TIGD7: variants seen among roughly 807,000 people sequenced by gnomAD.
TIGD7 encodes tigger transposable element-derived protein 7.
TIGD7 carries 26 observed loss-of-function variants against 24.8 expected under a neutral mutation model. That is an observed-to-expected ratio of 1.05 (90% CI 0.77 to 1.45). The LOEUF is 1.45. Among genes scored for constraint, TIGD7 ranks in the 40% most tolerant of loss-of-function variants. The pLI, the probability that TIGD7 is intolerant of heterozygous loss-of-function variation, is 0.00. For synonymous variants in TIGD7, 221 were observed against 224.1 expected (o/e 0.99, Z 0.12); for missense variants, 679 against 641.6 (o/e 1.06, Z -0.63).
Position 3,300,777 on chromosome 16 carries a change from T to C in TIGD7, c.-163A>G. On this transcript the variant is annotated 5_prime_UTR_variant, in exon 2 of 2. Coordinates refer to ENST00000396862, the MANE Select transcript of TIGD7 (RefSeq NM_033208.4). Reference sequence around the variant, plus strand: ...ATGGACTGAAGGGGCTAACCATGACTGAAGAGCTAGTCTAGAGGTGGAGGT... The same window carrying C: ...ATGGACTGAAGGGGCTAACCATGACCGAAGAGCTAGTCTAGAGGTGGAGGT... The C allele has an allele frequency of 8.0e-7, 1 of 1,248,844 alleles. No homozygotes were observed. Among genetic ancestry groups the C allele is most frequent in the Non-Finnish European group, 1.1e-6 (1 of 932,002 alleles). The allele number at this position is 1,248,844 out of a possible 1,614,324, so 77.4% of individuals were successfully genotyped here.
chr16:3,302,423 G>T (rs554805439), intron 1 of TIGD7, among the ~76,000 whole-genome samples: 30 of 152,290 alleles, frequency 2.0e-4, no homozygotes, highest in Non-Finnish European at 3.7e-4. Flanking sequence ...ACCACACCTG[G>T]CCCATAGAAT....
chr16:3,299,950 T>C lies in TIGD7; in HGVS notation c.665A>G (p.His222Arg). Residue 222 changes from histidine to arginine, a missense_variant, in exon 2 of 2, where the codon CAT (histidine) becomes CGT (arginine). Physicochemically the swap from His to Arg is conservative, Grantham distance 29. Coordinates refer to ENST00000396862, the MANE Select transcript of TIGD7 (RefSeq NM_033208.4). ...TCCAATAATGATTGACTTTAATTTA[T>C]GAGTTCCGTCTGCATTTGCACATAA... ...AFLCANADGT[H>R]KLKSIIIGKS... 1 of 1,613,410 alleles carries C rather than the reference T, an allele frequency of 6.2e-7. No homozygotes were observed. Among genetic ancestry groups the C allele is most frequent in the Non-Finnish European group, 8.5e-7 (1 of 1,179,802 alleles).
intron 1 of TIGD7, chr16:3,303,776 A>G (rs1960013923): frequency 6.6e-6 from 1 of 152,222 alleles, no homozygotes; most frequent in Admixed American, 6.5e-5. Context: ...GAACTGCCAT[A>G]GAAAGCAGCT....
In TIGD7 at chr16:3,299,102, T is replaced by G; in HGVS notation, c.1513A>C (p.Lys505Gln). The change falls in exon 2 of 2, where the codon AAA becomes CAA. Residue 505 changes from lysine (K) to glutamine (Q), a missense_variant. By Grantham distance (53) the Lys-to-Gln change is moderately conservative. Coordinates refer to ENST00000396862, the MANE Select transcript of TIGD7 (RefSeq NM_033208.4). ...PEFQRFHFTL[K>Q]EMQQEIVKKQ... The stretch of plus-strand genomic sequence containing the variant: ...TTGACTATTTCTTGTTGCATCTCTT[T>G]CAGTGTGAAGTGGAATCTCTGAAAC... 6.9e-7 allele frequency: 1 copy of G among 1,442,614 alleles called. No homozygotes were observed. Among genetic ancestry groups the G allele is most frequent in the South Asian group, 1.7e-5 (1 of 60,026 alleles). The allele number at this position is 1,442,614 out of a possible 1,614,324, so 89.4% of individuals were successfully genotyped here. A position where few individuals can be genotyped will look rare whatever the true frequency, so the allele number is the denominator to read the frequency against.
intron 1 of TIGD7, among the ~76,000 whole-genome samples, chr16:3,303,169 A>T (rs758590816): frequency 1.8e-4 from 27 of 152,206 alleles, no homozygotes; most frequent in Non-Finnish European, 3.5e-4. Flanking sequence ...GTGCCCAAGC[A>T]AGGGGAGGTG....
chr16:3,302,026 GTA>G lies in TIGD7; in HGVS notation c.-1395-19_-1395-18del, dbSNP rs1959949773. 1 of 164,594 alleles carries G rather than the reference GTA, an allele frequency of 6.1e-6. No homozygotes were observed. Among genetic ancestry groups the G allele is most frequent in the African/African-American group, 2.4e-5 (1 of 41,454 alleles). 10.2% of individuals were successfully genotyped at this position (164,594 alleles called of 1,614,324 possible). A position where few individuals can be genotyped will look rare whatever the true frequency, so the allele number is the denominator to read the frequency against. ...TTCCAGGTGCTACGAAGAAAGAAAA[GTA>G]TGTCAGAGAAATAAGGGAAATGGCT... On this transcript the variant is annotated intron_variant, in intron 1 of 1. Transcript: ENST00000396862.
In TIGD7 at chr16:3,299,218, C is replaced by A. The variant is rs754928858; in HGVS notation, c.1397G>T (p.Gly466Val). 1.2e-6 allele frequency: 2 copies of A among 1,606,442 alleles called. 1 individual carries two copies. Among genetic ancestry groups the A allele is most frequent in the South Asian group, 2.2e-5 (2 of 89,210 alleles). ...TTCAGCAGTCTGCTTCTCAGCTTCT[C>A]CTCCTTTTTGAACAACTTCCTTTGT... Reference protein sequence around the residue: ...GITKEVVQKGGEAEKQTAEFK... With the variant: ...GITKEVVQKGVEAEKQTAEFK... Residue 466 changes from glycine (G) to valine (V), a missense_variant, in exon 2 of 2, where the codon GGA (glycine) becomes GTA (valine). Gly to Val is a moderately radical substitution (Grantham distance 109). Coordinates refer to ENST00000396862, the MANE Select transcript of TIGD7 (RefSeq NM_033208.4).
chr16:3,299,837 C>G lies in TIGD7; in HGVS notation c.778G>C (p.Glu260Gln), dbSNP rs763707636. 9 of 1,590,370 alleles carry G rather than the reference C, an allele frequency of 5.7e-6. No individual in the cohort carries two copies. The highest frequency in any genetic ancestry group is 3.7e-5 in the Admixed American group (2 of 54,614). The change falls in exon 2 of 2, where the codon GAA becomes CAA. Residue 260 changes from glutamate to glutamine, a missense_variant. Physicochemically the swap from Glu to Gln is conservative, Grantham distance 29. Coordinates refer to ENST00000396862, the MANE Select transcript of TIGD7 (RefSeq NM_033208.4). Reference protein sequence around the residue: ...KPSKDVWFTRELFSEWFFQNF... With the variant: ...KPSKDVWFTRQLFSEWFFQNF... ...TGAAAAAACCATTCTGAAAACAATT[C>G]TCTGGTGAACCAAACATCTTTACTG...
Position 3,299,496 on chromosome 16 carries a change from G to T in TIGD7, c.1119C>A (p.Ile373=). 6.5e-7 allele frequency: 1 copy of T among 1,539,818 alleles called. No homozygotes were observed. The highest frequency in any genetic ancestry group is 8.7e-7 in the Non-Finnish European group (1 of 1,146,964). The stretch of plus-strand genomic sequence containing the variant: ...TAAAAATTGCACTTTTTATATTGTA[G>T]ATTTTAATTTTGGAAACTCCTTTAT... ...KGDKGVSKIK[I]YNIKSAIFNW... The change falls in exon 2 of 2, where the codon ATC becomes ATA. Residue 373 remains isoleucine (I), a synonymous_variant. Transcript: ENST00000396862.
Position 3,300,173 on chromosome 16 carries a change from A to G in TIGD7, c.442T>C (p.Ser148Pro). ...AATGGCTCAACATTTTCAGAAACTGAACTTAGGACTTGTTCCCCACATCCT... is the reference window on the plus strand; with the variant it reads ...AATGGCTCAACATTTTCAGAAACTGGACTTAGGACTTGTTCCCCACATCCT... ...RKGCGEQVLS[S>P]VSENVEPFRQ... The change falls in exon 2 of 2, where the codon TCA becomes CCA. Residue 148 changes from serine to proline, a missense_variant. Coordinates refer to ENST00000396862, the MANE Select transcript of TIGD7 (RefSeq NM_033208.4). 1 of 1,614,200 alleles carries G rather than the reference A, an allele frequency of 6.2e-7. No homozygotes were observed. Among genetic ancestry groups the G allele is most frequent in the Non-Finnish European group, 8.5e-7 (1 of 1,180,046 alleles).
In TIGD7 at chr16:3,300,804, T is replaced by G; in HGVS notation, c.-190A>C. On this transcript the variant is annotated 5_prime_UTR_variant, in exon 2 of 2. Transcript: ENST00000396862. ...AAGAGCTAGTCTAGAGGTGGAGGTC[T>G]TATGCACTCAGAAAGCTGCCAGTTG... 1 of 973,980 alleles carries G rather than the reference T, an allele frequency of 1.0e-6. No homozygotes were observed. Among genetic ancestry groups the G allele is most frequent in the South Asian group, 2.4e-5 (1 of 42,196 alleles). The allele number at this position is 973,980 out of a possible 1,614,324, so 60.3% of individuals were successfully genotyped here. A position where few individuals can be genotyped will look rare whatever the true frequency, so the allele number is the denominator to read the frequency against.
In TIGD7 at chr16:3,300,217, T is replaced by G; in HGVS notation, c.398A>C (p.His133Pro). ...ACATCCTTTTCGGTTCCCAATTGCA[T>G]GCCGATTTCGAAATCTAAAAAGCCA... is the stretch of plus-strand genomic sequence containing the variant. Reference protein sequence around the residue: ...TGWLFRFRNRHAIGNRKGCGE... With the variant: ...TGWLFRFRNRPAIGNRKGCGE... Residue 133 changes from histidine (H) to proline (P), a missense_variant, in exon 2 of 2, where the codon CAT becomes CCT. Physicochemically the swap from His to Pro is moderately conservative, Grantham distance 77. Coordinates refer to ENST00000396862, the MANE Select transcript of TIGD7 (RefSeq NM_033208.4). 1 of 1,614,242 alleles carries G rather than the reference T, an allele frequency of 6.2e-7. No individual in the cohort carries two copies. The highest frequency in any genetic ancestry group is 8.5e-7 in the Non-Finnish European group (1 of 1,180,046).
At chr16:3,302,833 CTTTTT>C (rs58436553) in intron 1 of TIGD7, among the ~76,000 whole-genome samples, 3 of 121,432 alleles carry the variant, frequency 2.5e-5, no homozygotes, top group East Asian at 2.4e-4. Flanking sequence ...GTGCCGTCGT[CTTTTT>C]TTTTTTTTTT....
chr16:3,305,409 G>C lies in TIGD7; in HGVS notation c.-1593C>G, dbSNP rs1238673626. The C allele has an allele frequency of 6.6e-6, 1 of 152,388 alleles. No homozygotes were observed. Among genetic ancestry groups the C allele is most frequent in the African/African-American group, 2.4e-5 (1 of 41,480 alleles). The allele number at this position is 152,388 out of a possible 1,614,324, so 9.4% of individuals were successfully genotyped here. ...CGCCGGGGAAGACAGCAGTTTCTCT[G>C]GCGAGGAAGTAGGCCGGGCTCAGGC... On this transcript the variant is annotated 5_prime_UTR_variant, in exon 1 of 2. Transcript: ENST00000396862.
rs1417676900 is a variant in TIGD7, at chr16:3,300,692, A to AT, written c.-79dup. 2.0e-6 allele frequency: 3 copies of AT among 1,507,842 alleles called. No individual in the cohort carries two copies. In the African/African-American group the frequency reaches 4.2e-5, roughly 21 times the overall value. The allele number at this position is 1,507,842 out of a possible 1,614,324, so 93.4% of individuals were successfully genotyped here. On this transcript the variant is annotated 5_prime_UTR_variant, in exon 2 of 2. In the 5' UTR this introduces an upstream ATG that the reference lacks. Transcript: ENST00000396862. The stretch of plus-strand genomic sequence containing the variant: ...ATGAATTGGCAAAAAAAAAACCCAC[A>AT]TTTTTTAAACAAAACTTAGCTGAAA...
chr16:3,299,940 C>G lies in TIGD7; in HGVS notation c.675G>C (p.Lys225Asn), dbSNP rs1959886718. 4.3e-6 allele frequency: 7 copies of G among 1,612,972 alleles called. No individual in the cohort carries two copies. In the East Asian group the frequency reaches 1.6e-4, roughly 36 times the overall value. Residue 225 changes from lysine (K) to asparagine (N), a missense_variant, in exon 2 of 2, where the codon AAG becomes AAC. Coordinates refer to ENST00000396862, the MANE Select transcript of TIGD7 (RefSeq NM_033208.4). ...GTTTTGATTTTCCAATAATGATTGA[C>G]TTTAATTTATGAGTTCCGTCTGCAT... ...CANADGTHKL[K>N]SIIIGKSKLP...
At position 3,300,499 on chromosome 16, in the gene TIGD7, T is replaced by A; in HGVS notation, c.116A>T (p.Lys39Met). 1 of 1,614,150 alleles carries A rather than the reference T, an allele frequency of 6.2e-7. No individual in the cohort carries two copies. The highest frequency in any genetic ancestry group is 2.2e-5 in the East Asian group (1 of 44,886). The change falls in exon 2 of 2, where the codon AAG becomes ATG. Residue 39 changes from lysine (K) to methionine (M), a missense_variant. By Grantham distance (95) the Lys-to-Met change is moderately conservative (BLOSUM62 -1). Coordinates refer to ENST00000396862, the MANE Select transcript of TIGD7 (RefSeq NM_033208.4). ...KSVMDEFGIS[K>M]STFYDIKKNK... ...TTTTTTAATGTCATAAAATGTTGAC[T>A]TACTGATTCCAAATTCATCCATTAC...
In TIGD7 at chr16:3,299,983, G is replaced by A. The variant is rs1167503735; in HGVS notation, c.632C>T (p.Ser211Phe). The A allele has an allele frequency of 3.1e-6, 5 of 1,614,054 alleles. No homozygotes were observed. In the South Asian group the frequency reaches 4.4e-5, roughly 14 times the overall value. Residue 211 changes from serine to phenylalanine, a missense_variant, in exon 2 of 2, where the codon TCT becomes TTT. Physicochemically the swap from Ser to Phe is radical, Grantham distance 155 (BLOSUM62 -2). Coordinates refer to ENST00000396862, the MANE Select transcript of TIGD7 (RefSeq NM_033208.4). ...GTCTGCATTTGCACATAAAAAGGCA[G>A]ACAACCTTTCTTTGTTTATTTTCTT... is the stretch of plus-strand genomic sequence containing the variant. ...PGKKINKERL[S>F]AFLCANADGT...
At chr16:3,305,135 G>A (rs1464094721) in intron 1 of TIGD7, 77 bp downstream of exon 1, 4 of 152,274 alleles carry the variant, frequency 2.6e-5, no homozygotes, top group Non-Finnish European at 5.9e-5. Flanking sequence ...GACGAGCCCA[G>A]CAACAGCTCG....
Sources: gnomAD v4.1 joint callset for allele counts (sites outside exome capture counted in the v4.1 genomes callset) on GRCh38, gnomAD v4.1.1 for gene constraint, MANE v1.5 for transcripts, NCBI Gene and HGNC (gene_info 2026-07-23, HGNC 2026-07-21) for gene names.